Variants in CAST observed in about 807,000 individuals in gnomAD.
CAST encodes the protein MIR583 host.
A neutral mutation model predicts 119.6 loss-of-function variants in CAST; 76 were observed. The ratio of observed to expected loss-of-function variants is 0.64; its 90% CI spans 0.53 to 0.77. The LOEUF (loss-of-function observed/expected upper bound fraction) is 0.77, where lower values mean the gene tolerates loss of function less well. CAST is among the 30% of genes least tolerant of loss of function. The probability of loss-of-function intolerance (pLI) is 0.00; values close to 1 mark genes in which losing one functional copy is unlikely to be tolerated. For synonymous variants in CAST, 319 were observed against 331.6 expected, an observed-to-expected ratio of 0.96 and a Z score of 0.41; for missense variants, 953 against 946.5, an observed-to-expected ratio of 1.01 and a Z score of -0.09.
At chr5:96,447,935 G>C in the CAST span, among the ~76,000 whole-genome samples, 1 of 151,570 alleles carries the variant, frequency 6.6e-6, no homozygotes, top group African/African-American at 2.4e-5. Context: ...TGCCCTGCTA[G>C]AACAGCTCTG....
At chr5:96,327,471 ACC>A in the CAST span, among the ~76,000 whole-genome samples, 1 of 152,194 alleles carries the variant, frequency 6.6e-6, no homozygotes, top group African/African-American at 2.4e-5. Context: ...ATGGTAGCTA[ACC>A]AGTGCCATCC....
chr5:96,722,612 CT>C, intron 3 of CAST, 26 bp from the exon 4 acceptor site: 1 of 1,553,648 alleles, frequency 6.4e-7, no homozygotes, highest in Non-Finnish European at 8.9e-7. Context: ...TAGAATCGAA[CT>C]TTCTATTTCT....
At chr5:96,688,645 T>C (rs936279734) in intron 2 of CAST, among the ~76,000 whole-genome samples, 4 of 152,202 alleles carry the variant, frequency 2.6e-5, no homozygotes, top group Non-Finnish European at 5.9e-5. Flanking sequence ...AACATACTTA[T>C]AATATGTTAT....
chr5:96,147,148 T>C, the CAST span, among the ~76,000 whole-genome samples: 1 of 152,248 alleles, frequency 6.6e-6, no homozygotes, highest in African/African-American at 2.4e-5. Flanking sequence ...GGTACACTTA[T>C]AATTATTCCA....
At chr5:96,111,172 G>A in the CAST span, among the ~76,000 whole-genome samples, 3 of 152,156 alleles carry the variant, frequency 2.0e-5, no homozygotes, top group Non-Finnish European at 4.4e-5. Context: ...GAACTCAGAG[G>A]AACACTTCGT....
At chr5:96,389,378 C>T in the CAST span, among the ~76,000 whole-genome samples, 2 of 152,024 alleles carry the variant, frequency 1.3e-5, no homozygotes, top group African/African-American at 4.8e-5. Flanking sequence ...TAAATATGTA[C>T]AATCAATCAA....
At chr5:96,481,756 CT>C in the CAST span, among the ~76,000 whole-genome samples, 56 of 152,280 alleles carry the variant, frequency 3.7e-4, no homozygotes, top group South Asian at 8.3e-4. Flanking sequence ...AGACATATAT[CT>C]TCTTGTAGTC....
chr5:96,045,226 G>A, the CAST span, among the ~76,000 whole-genome samples: 14 of 152,184 alleles, frequency 9.2e-5, no homozygotes, highest in Admixed American at 7.2e-4. Context: ...GGCGGCAGGC[G>A]CCTGTAATAC....
the CAST span, among the ~76,000 whole-genome samples, chr5:96,075,280 G>C: frequency 2.6e-5 from 4 of 152,126 alleles, no homozygotes; most frequent in Non-Finnish European, 5.9e-5. Flanking sequence ...GAAATGTAAG[G>C]CTTTACCAAC....
the CAST span, among the ~76,000 whole-genome samples, chr5:96,373,555 A>G: frequency 1.3e-5 from 2 of 152,164 alleles, no homozygotes; most frequent in South Asian, 4.1e-4. Context: ...ATTGCTTCAT[A>G]TCCTGGATGC....
At chr5:96,083,488 G>A in the CAST span, among the ~76,000 whole-genome samples, 1 of 152,308 alleles carries the variant, frequency 6.6e-6, no homozygotes, top group African/African-American at 2.4e-5. Flanking sequence ...TTTCCCAGAA[G>A]TGGTGACACA....
At chr5:96,563,312 A>C (rs764445765) in intron 1 of CAST, among the ~76,000 whole-genome samples, 1 of 152,186 alleles carries the variant, frequency 6.6e-6, no homozygotes, top group Non-Finnish European at 1.5e-5. Flanking sequence ...TTCTCTTGCT[A>C]ATCTGTCTTT....
At chr5:96,239,531 A>G in the CAST span, among the ~76,000 whole-genome samples, 1 of 151,928 alleles carries the variant, frequency 6.6e-6, no homozygotes, top group Non-Finnish European at 1.5e-5. Context: ...GCATGCATGT[A>G]GTACTCATTC....
chr5:96,072,384 G>T, the CAST span, among the ~76,000 whole-genome samples: 1 of 152,176 alleles, frequency 6.6e-6, no homozygotes, highest in Non-Finnish European at 1.5e-5. Flanking sequence ...ACATGAATTT[G>T]CAGGAGAGCT....
At chr5:96,309,174 A>G in the CAST span, among the ~76,000 whole-genome samples, 2 of 152,126 alleles carry the variant, frequency 1.3e-5, no homozygotes, top group South Asian at 2.1e-4. Flanking sequence ...AGGAGTATAG[A>G]GAGACAGTCT....
chr5:96,367,494 T>G, the CAST span, among the ~76,000 whole-genome samples: 1 of 151,202 alleles, frequency 6.6e-6, no homozygotes, highest in African/African-American at 2.4e-5. Flanking sequence ...TCTGGGCTGC[T>G]TTGTTTACCT....
At chr5:96,447,952 A>T in the CAST span, among the ~76,000 whole-genome samples, 2 of 151,984 alleles carry the variant, frequency 1.3e-5, no homozygotes, top group African/African-American at 4.8e-5. Context: ...TCTGTCCTAC[A>T]TCAGTGATTT....
At chr5:96,319,309 C>T in the CAST span, among the ~76,000 whole-genome samples, 5 of 152,340 alleles carry the variant, frequency 3.3e-5, no homozygotes, top group South Asian at 1.0e-3. Context: ...TTGGGGATCA[C>T]ATTTCAACAT....
At chr5:96,296,202 C>G in the CAST span, among the ~76,000 whole-genome samples, 1 of 152,168 alleles carries the variant, frequency 6.6e-6, no homozygotes, top group East Asian at 1.9e-4. Context: ...TTTCCTTCTA[C>G]AGGGTTTGCT....
Sources: allele counts gnomAD v4.1 joint callset (sites outside exome capture counted in the v4.1 genomes callset), GRCh38; gene constraint gnomAD v4.1.1; transcripts MANE v1.5; gene names NCBI Gene and HGNC (gene_info 2026-07-23, HGNC 2026-07-21).